The following TLL2 variants were observed in gnomAD, a reference collection of about 807,000 sequenced individuals.
The protein encoded by TLL2 is tolloid like 2.
TLL2 carries 106 observed loss-of-function variants against 123.0 expected under a neutral mutation model. That is an observed-to-expected ratio of 0.86 (90% CI 0.74 to 1.01). The LOEUF is 1.01. Ranked by LOEUF, TLL2 falls within the 50% of genes least tolerant of loss-of-function variation. TLL2 has a pLI of 0.00. For synonymous variants in TLL2, 494 were observed against 516.8 expected (o/e 0.96, Z 0.60); for missense variants, 1,332 against 1,336.7 (o/e 1.00, Z 0.06).
rs1296855674 is a variant in TLL2, at chr10:96,448,389, G to A, written c.287-2221C>T. 2.6e-5 allele frequency among the ~76,000 whole-genome samples: 4 copies of A among 152,334 alleles called. 1 individual carries two copies. The highest frequency in any genetic ancestry group is 4.8e-5 in the African/African-American group (2 of 41,574). ...GGTGTGGAGGCGAGCTGGAGCCGAC[G>A]CTCTGGGTCTAGCTCAGCCTCACTC... On this transcript the variant is annotated intron_variant, in intron 2 of 20. Coordinates refer to ENST00000357947, the MANE Select transcript of TLL2 (RefSeq NM_012465.4).
chr10:96,395,350 G>T lies in TLL2; in HGVS notation c.1563C>A (p.Tyr521Ter), dbSNP rs768467039. 1.9e-6 allele frequency: 3 copies of T among 1,611,060 alleles called. No individual in the cohort carries two copies. Among genetic ancestry groups the T allele is most frequent in the Non-Finnish European group, 2.5e-6 (3 of 1,178,946 alleles). The change falls in exon 13 of 21, where the codon TAC becomes TAA. Residue 521 changes from tyrosine (Y) to a stop codon, truncating the protein, a stop_gained. Coordinates refer to ENST00000357947, the MANE Select transcript of TLL2 (RefSeq NM_012465.4). LOFTEE classifies it high-confidence loss of function. ...CCGTGGGGCCATCCCGGACTTCCAG[G>T]TAGTCATATGCACAGCTGTCGTGCC... is the stretch of plus-strand genomic sequence containing the variant. ...IERHDSCAYD[Y>*]LEVRDGPTEE...
chr10:96,372,887 AC>A (rs1343170166), intron 19 of TLL2, among the ~76,000 whole-genome samples: 2 of 152,078 alleles, frequency 1.3e-5, no homozygotes, highest in African/African-American at 4.8e-5. Context: ...GGGTGGTCTC[AC>A]CATCTTGCCC....
chr10:96,452,818 A>G (rs2154203), intron 2 of TLL2, among the ~76,000 whole-genome samples: 70,261 of 152,088 alleles, frequency 0.46, 16,584 homozygotes, highest in East Asian at 0.57. Context: ...CACATCAATC[A>G]GGTGAAGTAT....
In TLL2 at chr10:96,366,492, T is replaced by A. The variant is rs912612390; in HGVS notation, c.*1596A>T. 2.6e-5 allele frequency: 4 copies of A among 152,676 alleles called. No individual in the cohort carries two copies. Among genetic ancestry groups the A allele is most frequent in the African/African-American group, 9.6e-5 (4 of 41,462 alleles). 9.5% of individuals were successfully genotyped at this position (152,676 alleles called of 1,614,324 possible). ...TTAATAATACTTTAATTTTTTTCTG[T>A]TTTAAGGAAAAAATATTCCCATGCA... On this transcript the variant is annotated 3_prime_UTR_variant, in exon 21 of 21. Coordinates refer to ENST00000357947, the MANE Select transcript of TLL2 (RefSeq NM_012465.4).
chr10:96,470,145 C>T (rs966687481), intron 2 of TLL2, among the ~76,000 whole-genome samples: 4 of 152,208 alleles, frequency 2.6e-5, no homozygotes, highest in Non-Finnish European at 4.4e-5. Context: ...AGCTAATGAC[C>T]ACATGGCTAA....
intron 3 of TLL2, among the ~76,000 whole-genome samples, chr10:96,435,418 T>C (rs953761764): frequency 2.0e-5 from 3 of 152,272 alleles, no homozygotes; most frequent in African/African-American, 7.2e-5. Flanking sequence ...GTAGGTTGTC[T>C]TTTCACTTTT....
intron 1 of TLL2, among the ~76,000 whole-genome samples, chr10:96,500,453 G>A (rs1046794108): frequency 1.3e-5 from 2 of 152,184 alleles, no homozygotes; most frequent in African/African-American, 4.8e-5. Context: ...GATAACTCAC[G>A]ATGTATATAA....
rs758229371 is a variant in TLL2 at position 96,428,621 on chromosome 10, G to A, written c.638+10C>T. The A allele has an allele frequency of 1.5e-5, 24 of 1,595,710 alleles. No individual in the cohort carries two copies. In the Admixed American group the frequency reaches 2.0e-4, roughly 13 times the overall value. ...ATTCTGCAGAGGTGGCCTCGCTTTCGTTTACTTACCCACAGGTTCTGTAAC... is the reference window on the plus strand; with the variant it reads ...ATTCTGCAGAGGTGGCCTCGCTTTCATTTACTTACCCACAGGTTCTGTAAC... On this transcript the variant is annotated intron_variant, in intron 5 of 20. Coordinates refer to ENST00000357947, the MANE Select transcript of TLL2 (RefSeq NM_012465.4).
intron 2 of TLL2, among the ~76,000 whole-genome samples, chr10:96,451,655 A>G (rs138588345): frequency 2.1e-3 from 315 of 152,302 alleles, no homozygotes; most frequent in African/African-American, 6.4e-3. Flanking sequence ...TTAAATGCCA[A>G]TTGTTTGCAG....
chr10:96,501,575 C>T (rs934504156), intron 1 of TLL2, among the ~76,000 whole-genome samples: 2 of 152,344 alleles, frequency 1.3e-5, no homozygotes, highest in East Asian at 3.9e-4. Flanking sequence ...TCCACTGTTC[C>T]AAGCTTATTT....
intron 3 of TLL2, 119 bp downstream of exon 3, chr10:96,445,972 T>C: frequency 9.9e-7 from 1 of 1,011,474 alleles, no homozygotes; most frequent in Non-Finnish European, 1.5e-6. Flanking sequence ...CATAGCATTG[T>C]GAATGTACTT....
At chr10:96,427,394 G>A (rs1384617722) in intron 5 of TLL2, among the ~76,000 whole-genome samples, 1 of 152,144 alleles carries the variant, frequency 6.6e-6, no homozygotes, top group Non-Finnish European at 1.5e-5. Flanking sequence ...TGGTCAACGT[G>A]ACACTGACTT....
intron 17 of TLL2, 124 bp downstream of exon 17, chr10:96,378,843 G>A: frequency 7.6e-7 from 1 of 1,316,882 alleles, no homozygotes; most frequent in Non-Finnish European, 1.1e-6. Flanking sequence ...AGCAGTTGCT[G>A]GGCCTCAGCT....
At chr10:96,450,709 C>G (rs1025336052) in intron 2 of TLL2, among the ~76,000 whole-genome samples, 2 of 152,110 alleles carry the variant, frequency 1.3e-5, no homozygotes, top group African/African-American at 4.8e-5. Context: ...AGGTGTGGCT[C>G]TGGCTATAAC....
In TLL2 at chr10:96,395,202, C is replaced by A; in HGVS notation, c.1711G>T (p.Ala571Ser). Residue 571 changes from alanine (A) to serine (S), a missense_variant, in exon 13 of 21, where the codon GCC becomes TCC. Coordinates refer to ENST00000357947, the MANE Select transcript of TLL2 (RefSeq NM_012465.4). Reference protein sequence around the residue: ...DGSINKAGFAANFFKEVDECS... With the variant: ...DGSINKAGFASNFFKEVDECS... The stretch of plus-strand genomic sequence containing the variant: ...TAATTCATACCCTTGAAAAAATTGG[C>A]TGCAAAGCCCGCTTTATTGATAGAG... 1 of 1,602,094 alleles carries A rather than the reference C, an allele frequency of 6.2e-7. No individual in the cohort carries two copies. Among genetic ancestry groups the A allele is most frequent in the South Asian group, 1.1e-5 (1 of 88,562 alleles).
chr10:96,476,216 T>TCATATATATATA (rs1554939587), intron 2 of TLL2, among the ~76,000 whole-genome samples: 10 of 33,352 alleles, frequency 3.0e-4, no homozygotes, highest in African/African-American at 8.7e-4. Context: ...CTTTTTAATT[T>TCATATATATATA]TATATGTATA....
chr10:96,412,248 C>T (rs1846514237), intron 8 of TLL2, among the ~76,000 whole-genome samples: 1 of 152,172 alleles, frequency 6.6e-6, no homozygotes, highest in Non-Finnish European at 1.5e-5. Flanking sequence ...CCCTCGGGTC[C>T]TGCTTAGTAA....
intron 9 of TLL2, among the ~76,000 whole-genome samples, chr10:96,406,959 C>T (rs1029646119): frequency 5.3e-5 from 8 of 152,102 alleles, no homozygotes; most frequent in African/African-American, 1.9e-4. Context: ...CCTCCTGCCT[C>T]ACCCCCTCCT....
chr10:96,384,750 A>C lies in TLL2; in HGVS notation c.2031T>G (p.Phe677Leu), dbSNP rs200361455. 6.3e-7 allele frequency: 1 copy of C among 1,596,360 alleles called. No individual in the cohort carries two copies. The highest frequency in any genetic ancestry group is 8.6e-7 in the Non-Finnish European group (1 of 1,167,668). ...GGGACAGGCCGCTGCGCACCTCTAC[A>C]AAGTCGTACTTACAGACCTGCAAGG... Reference protein sequence around the residue: ...LEGNDVCKYDFVEVRSGLSPD... With the variant: ...LEGNDVCKYDLVEVRSGLSPD... The change falls in exon 16 of 21, where the codon TTT becomes TTG. Residue 677 changes from phenylalanine to leucine, a missense_variant. Physicochemically the swap from Phe to Leu is conservative, Grantham distance 22. Coordinates refer to ENST00000357947, the MANE Select transcript of TLL2 (RefSeq NM_012465.4).
Sources: allele counts gnomAD v4.1 joint callset (sites outside exome capture counted in the v4.1 genomes callset), GRCh38; gene constraint gnomAD v4.1.1; transcripts MANE v1.5; gene names NCBI Gene and HGNC (gene_info 2026-07-23, HGNC 2026-07-21).